The following TBC1D28 variants were observed in gnomAD, a reference collection of about 807,000 sequenced individuals.
TBC1D28 encodes the protein TBC1 domain family, member 28.
Under a neutral mutation model 29.2 loss-of-function variants are expected in TBC1D28, and 20 were observed. The ratio of observed to expected loss-of-function variants is 0.68; its 90% CI spans 0.48 to 0.99. The LOEUF (loss-of-function observed/expected upper bound fraction) is 0.99, where lower values mean the gene tolerates loss of function less well. Among genes scored for constraint, TBC1D28 ranks in the 50% least tolerant of loss-of-function variants. The pLI is 0.00. For synonymous variants in TBC1D28, 65 were observed against 90.9 expected, an observed-to-expected ratio of 0.71 and a Z score of 1.62; for missense variants, 205 against 243.7, an observed-to-expected ratio of 0.84 and a Z score of 1.06.
chr17:18,642,330 A>G (rs2031810926), exon 1 of TBC1D28: 1 of 152,184 alleles, frequency 6.6e-6, no homozygotes, highest in Admixed American at 6.5e-5. Flanking sequence ...TGTGGGGACC[A>G]AGCTTAGGGC....
At chr17:18,642,256 C>T (rs1191935935) in exon 1 of TBC1D28, 1 of 152,704 alleles carries the variant, frequency 6.5e-6, no homozygotes, top group Non-Finnish European at 1.5e-5. Context: ...CTCCCCACCC[C>T]ACTCCTAGAT....
chr17:18,641,727 G>A (rs1272252895), exon 2 of TBC1D28: 9 of 313,550 alleles, frequency 2.9e-5, no homozygotes, highest in Admixed American at 2.3e-4. Context: ...TCAGGGACTG[G>A]ATGTCTCTAT....
At chr17:18,634,768 C>T (rs1337108836), downstream of TBC1D28, among the ~76,000 whole-genome samples, 3 of 152,380 alleles carry the variant, frequency 2.0e-5, no homozygotes, top group South Asian at 2.1e-4. Flanking sequence ...GACCCTGCGG[C>T]AGGGACCGGC....
At chr17:18,638,213 C>T in intron 7 of TBC1D28, 100 bp downstream of exon 8, 4 of 1,443,796 alleles carry the variant, frequency 2.8e-6, no homozygotes, top group African/African-American at 1.4e-5. Context: ...ACAGCCCCCA[C>T]CCCCAACCCA....
chr17:18,637,670 C>A (rs2031562903), intron 8 of TBC1D28, among the ~76,000 whole-genome samples, 194 bp downstream of exon 9: 1 of 152,032 alleles, frequency 6.6e-6, no homozygotes, highest in African/African-American at 2.4e-5. Flanking sequence ...TCTGGCCCTA[C>A]ATGTCCCAGC....
At chr17:18,638,388 C>T in exon 7 of TBC1D28, 1 of 1,614,182 alleles carries the variant, frequency 6.2e-7, no homozygotes, top group South Asian at 1.1e-5. Context: ...CCCGCACCGC[C>T]AGGGGAATGA....
chr17:18,640,130 C>T (rs2031695293), intron 4 of TBC1D28, among the ~76,000 whole-genome samples: 1 of 152,152 alleles, frequency 6.6e-6, no homozygotes, highest in Non-Finnish European at 1.5e-5. Context: ...GACTTGGCCC[C>T]TCCATCCACC....
At chr17:18,638,189 A>T (rs2031591618) in intron 7 of TBC1D28, 124 bp downstream of exon 8, 1 of 1,301,496 alleles carries the variant, frequency 7.7e-7, no homozygotes, top group Middle Eastern at 1.9e-4. Flanking sequence ...TATGCCCAGG[A>T]TGTGCATCTG....
intron 2 of TBC1D28, 82 bp downstream of exon 3, chr17:18,641,550 G>T (rs1049900424): frequency 7.2e-5 from 46 of 638,212 alleles, no homozygotes; most frequent in Admixed American, 2.1e-4. Context: ...ACCAGTGGTG[G>T]GCTCCTTCTT....
chr17:18,635,866 T>C (rs1166023076), exon 9 of TBC1D28: 2 of 992,854 alleles, frequency 2.0e-6, no homozygotes, highest in African/African-American at 1.7e-5. Flanking sequence ...AAGGCAAGTG[T>C]TTGTCCCAGG....
chr17:18,635,205 C>CCACCA (rs2031436649), exon 9 of TBC1D28: 1 of 152,774 alleles, frequency 6.5e-6, no homozygotes, highest in African/African-American at 2.4e-5. Context: ...CCAGGAGTCC[C>CCACCA]GGGCGGGGGC....
exon 9 of TBC1D28, chr17:18,636,319 A>G: frequency 6.9e-7 from 1 of 1,458,906 alleles, no homozygotes; most frequent in Non-Finnish European, 9.0e-7. Flanking sequence ...CTTTGGGGCA[A>G]CACCAGGAGG....
At chr17:18,642,160 C>A (rs2649510) in exon 1 of TBC1D28, 1 of 151,756 alleles carries the variant, frequency 6.6e-6, no homozygotes, top group African/African-American at 2.4e-5. Context: ...AGTCCCCAAG[C>A]CTCTTTGACC....
At chr17:18,639,201 G>T (rs373745108) in exon 5 of TBC1D28, 9 of 1,612,230 alleles carry the variant, frequency 5.6e-6, no homozygotes, top group Non-Finnish European at 7.6e-6. Flanking sequence ...CTGACGCGGG[G>T]CAGCTCCATC....
intron 4 of TBC1D28, among the ~76,000 whole-genome samples, chr17:18,639,752 C>A (rs1349249360): frequency 2.1e-5 from 2 of 96,614 alleles, no homozygotes; most frequent in Non-Finnish European, 4.0e-5. Context: ...GCATCCTGGC[C>A]GCTCACCCTG....
exon 9 of TBC1D28, chr17:18,636,110 C>A: frequency 9.5e-7 from 1 of 1,049,156 alleles, no homozygotes; most frequent in South Asian, 4.2e-5. Flanking sequence ...TGGGTGACCC[C>A]CCTCCCTATC....
chr17:18,644,219 G>GC (rs767629440), upstream of TBC1D28: 6 of 151,896 alleles, frequency 4.0e-5, no homozygotes, highest in South Asian at 2.1e-4. Flanking sequence ...CCTGCCCAGA[G>GC]GCTAGCCCTG....
Position 18,638,702 on chromosome 17 carries a change from C to G in TBC1D28, c.199-1G>C, listed in dbSNP as rs201470741. 5.0e-4 allele frequency: 802 copies of G among 1,614,026 alleles called. 6 individuals are homozygous for G. The highest frequency in any genetic ancestry group is 9.9e-5 in the Non-Finnish European group (117 of 1,179,890). The stretch of plus-strand genomic sequence containing the variant: ...TACGTTTACTTTCCTTGCGTCTTTG[C>G]TGTCAAATGAGCCATGATGGAGTTA... On this transcript the variant is annotated splice_acceptor_variant, in intron 5 of 8. Transcript: ENST00000345096. LOFTEE classifies it high-confidence loss of function.
chr17:18,635,900 T>G (rs2031474571), exon 9 of TBC1D28: 1 of 989,376 alleles, frequency 1.0e-6, no homozygotes, highest in African/African-American at 1.7e-5. Context: ...GGTTGCTCCC[T>G]TGAAGTCACC....
Sources: gnomAD v4.1 joint callset for allele counts (sites outside exome capture counted in the v4.1 genomes callset) on GRCh38, gnomAD v4.1.1 for gene constraint, MANE v1.5 for transcripts, NCBI Gene and HGNC (gene_info 2026-07-23, HGNC 2026-07-21) for gene names.